CDC27: variants seen among roughly 807,000 people sequenced by gnomAD.
CDC27 encodes cell division cycle protein 27 homolog.
In CDC27, 27 loss-of-function variants were observed where a neutral mutation model predicts 109.7. The observed-to-expected ratio is 0.25, with a 90% CI of 0.18 to 0.34. The LOEUF is 0.34. Ranked by LOEUF, CDC27 falls within the 10% of genes least tolerant of loss-of-function variation. The probability of loss-of-function intolerance (pLI) is 1.00; values close to 1 mark genes in which losing one functional copy is unlikely to be tolerated. For missense variants in CDC27, 579 were observed against 960.2 expected (o/e 0.60, Z 5.25); for synonymous variants, 266 against 333.9 (o/e 0.80, Z 2.22).
intron 2 of CDC27, among the ~76,000 whole-genome samples, chr17:47,172,865 T>C (rs1212442450): frequency 1.3e-5 from 2 of 152,184 alleles, no homozygotes; most frequent in Non-Finnish European, 2.9e-5. Context: ...ACCACAAAAC[T>C]GTGCTTCTAA....
intron 16 of CDC27, among the ~76,000 whole-genome samples, chr17:47,124,980 C>T (rs368324912): frequency 2.0e-5 from 3 of 149,810 alleles, no homozygotes; most frequent in African/African-American, 4.9e-5. Context: ...TGCAGTGGTG[C>T]GATCTCTGCT....
intron 16 of CDC27, among the ~76,000 whole-genome samples, chr17:47,127,592 G>A (rs1180287388): frequency 5.3e-5 from 8 of 151,854 alleles, no homozygotes; most frequent in African/African-American, 9.7e-5. Flanking sequence ...TAGTAGAGAC[G>A]GGGTTTCACC....
At chr17:47,126,193 A>G (rs1368222983) in intron 16 of CDC27, among the ~76,000 whole-genome samples, 1 of 152,230 alleles carries the variant, frequency 6.6e-6, no homozygotes. Context: ...CTCAGAAGCA[A>G]TCATTAACTT....
At chr17:47,123,085 T>C (rs1598382740) in intron 17 of CDC27, among the ~76,000 whole-genome samples, 2 of 152,234 alleles carry the variant, frequency 1.3e-5, no homozygotes, top group East Asian at 3.8e-4. Context: ...TTGAGTTCCT[T>C]TTAATATAAT....
At chr17:47,160,979 A>C (rs1178882596) in intron 4 of CDC27, 1 of 152,206 alleles carries the variant, frequency 6.6e-6, no homozygotes, top group Non-Finnish European at 1.5e-5. Flanking sequence ...TAGGAAGCAG[A>C]AGTAGGATGC....
chr17:47,168,278 T>A (rs1391014285), intron 4 of CDC27, among the ~76,000 whole-genome samples: 1 of 152,178 alleles, frequency 6.6e-6, no homozygotes, highest in African/African-American at 2.4e-5. Flanking sequence ...TAATCCTGCC[T>A]TGGTCTTTTG....
chr17:47,155,249 T>C (rs757468709), intron 7 of CDC27, among the ~76,000 whole-genome samples: 12 of 152,086 alleles, frequency 7.9e-5, no homozygotes, highest in Non-Finnish European at 1.5e-4. Context: ...CTAGCATATA[T>C]GTATATATTT....
chr17:47,172,521 T>C (rs1188071238), intron 2 of CDC27, among the ~76,000 whole-genome samples: 11 of 152,208 alleles, frequency 7.2e-5, no homozygotes, highest in Middle Eastern at 3.4e-3. Context: ...AAAGACCAGA[T>C]TGAAAAAAAT....
At position 47,120,800 on chromosome 17, in the gene CDC27, G is replaced by GAA; in HGVS notation, c.*133_*134dup. 1 of 638,618 alleles carries GAA rather than the reference G, an allele frequency of 1.6e-6. No individual in the cohort carries two copies. Among genetic ancestry groups the GAA allele is most frequent in the Non-Finnish European group, 2.8e-6 (1 of 353,898 alleles). The allele number at this position is 638,618 out of a possible 1,614,324, so 39.6% of individuals were successfully genotyped here. ...ATTCTGTATACAGTCAGGGTCCAAT[G>GAA]AAAGTGGCACACTCATGGTATAAGT... On this transcript the variant is annotated 3_prime_UTR_variant, in exon 19 of 19. Transcript: ENST00000066544.
chr17:47,161,533 T>C (rs1037201450), intron 4 of CDC27, among the ~76,000 whole-genome samples: 1 of 152,058 alleles, frequency 6.6e-6, no homozygotes, highest in Non-Finnish European at 1.5e-5. Flanking sequence ...GGTGGATCAC[T>C]TGAGGTCAGG....
At chr17:47,134,332 T>G (rs1285524119) in intron 14 of CDC27, among the ~76,000 whole-genome samples, 1 of 151,310 alleles carries the variant, frequency 6.6e-6, no homozygotes, top group Non-Finnish European at 1.5e-5. Context: ...TAATTCAACG[T>G]CTTGCTCTGT....
At chr17:47,169,798 G>T in intron 4 of CDC27, 119 bp downstream of exon 4, 1 of 704,400 alleles carries the variant, frequency 1.4e-6, no homozygotes, top group Non-Finnish European at 2.1e-6. Flanking sequence ...CATAGAATCA[G>T]ACTATGTACT....
chr17:47,159,762 T>C, intron 4 of CDC27: 1 of 421,696 alleles, frequency 2.4e-6, no homozygotes, highest in South Asian at 1.9e-5. Flanking sequence ...TTCAAAACCT[T>C]GTGCTTGAGA....
At chr17:47,179,250 T>C (rs1374026941) in intron 2 of CDC27, among the ~76,000 whole-genome samples, 2 of 152,222 alleles carry the variant, frequency 1.3e-5, no homozygotes, top group Non-Finnish European at 2.9e-5. Context: ...TGGATGTCTT[T>C]CTCCAAATAT....
intron 16 of CDC27, among the ~76,000 whole-genome samples, chr17:47,127,161 T>C (rs2062167880): frequency 6.6e-6 from 1 of 152,134 alleles, no homozygotes. Context: ...CTTATGCCTG[T>C]AGTCCTGGGT....
chr17:47,119,317 C>G lies in CDC27; in HGVS notation c.*1618G>C, dbSNP rs569818316. 1 of 152,164 alleles carries G rather than the reference C, an allele frequency of 6.6e-6. No individual in the cohort carries two copies. Among genetic ancestry groups the G allele is most frequent in the East Asian group, 1.9e-4 (1 of 5,174 alleles). The allele number at this position is 152,164 out of a possible 1,614,324, so 9.4% of individuals were successfully genotyped here. A position where few individuals can be genotyped will look rare whatever the true frequency, so the allele number is the denominator to read the frequency against. On this transcript the variant is annotated 3_prime_UTR_variant, in exon 19 of 19. Coordinates refer to ENST00000066544, the MANE Select transcript of CDC27 (RefSeq NM_001256.6). ...AATCTGTTAAATATCTCTCTGGCAC[C>G]TGATACCTAAAGACCCTGACTTGAA...
intron 12 of CDC27, chr17:47,139,920 GT>G (rs1227214246): frequency 6.6e-6 from 1 of 151,658 alleles, no homozygotes; most frequent in East Asian, 1.9e-4. Flanking sequence ...TATAAAATCA[GT>G]TTCCTAGTTT....
intron 9 of CDC27, 77 bp downstream of exon 9, chr17:47,151,729 C>T: frequency 1.7e-6 from 2 of 1,143,948 alleles, no homozygotes; most frequent in Admixed American, 2.6e-5. Context: ...ACGAGAGTCA[C>T]TATCTGCCTA....
At position 47,171,790 on chromosome 17, in the gene CDC27, T is replaced by A. The variant is rs1413042334; in HGVS notation, c.251+127A>T. 3 of 634,208 alleles carry A rather than the reference T, an allele frequency of 4.7e-6. No individual in the cohort carries two copies. The African/African-American group carries it at 5.8e-5, about 12-fold the overall frequency. 39.3% of individuals were successfully genotyped at this position (634,208 alleles called of 1,614,324 possible). A position where few individuals can be genotyped will look rare whatever the true frequency, so the allele number is the denominator to read the frequency against. On this transcript the variant is annotated intron_variant, in intron 3 of 18. Transcript: ENST00000066544. ...TGCCATAGGCAACAGTGTAAACATT[T>A]CGAATGTTACTGAAATAGATGGAAA...
Sources: allele counts gnomAD v4.1 joint callset (sites outside exome capture counted in the v4.1 genomes callset), GRCh38; gene constraint gnomAD v4.1.1; transcripts MANE v1.5; gene names NCBI Gene and HGNC (gene_info 2026-07-23, HGNC 2026-07-21).